The following ZBTB20 variants were observed in gnomAD, a reference collection of about 807,000 sequenced individuals.
ZBTB20 encodes zinc finger and BTB domain containing 20, also known as zinc finger and BTB domain-containing protein 20.
Under a neutral mutation model 56.9 loss-of-function variants are expected in ZBTB20, and 9 were observed. The observed-to-expected ratio is 0.16, with a 90% CI of 0.10 to 0.28. The LOEUF (loss-of-function observed/expected upper bound fraction) is 0.28, where lower values mean the gene tolerates loss of function less well. Among genes scored for constraint, ZBTB20 ranks in the 10% least tolerant of loss-of-function variants. The pLI, the probability that ZBTB20 is intolerant of heterozygous loss-of-function variation, is 1.00. For synonymous variants in ZBTB20, 417 were observed against 420.7 expected (o/e 0.99, Z 0.11); for missense variants, 655 against 1,003.0 (o/e 0.65, Z 4.69).
chr3:114,516,080 T>C (rs570770144), intron 6 of ZBTB20, among the ~76,000 whole-genome samples: 34 of 152,094 alleles, frequency 2.2e-4, no homozygotes, highest in African/African-American at 8.2e-4. Flanking sequence ...TTCAACCTCA[T>C]TGTTTTCTTT....
chr3:114,613,079 G>A (rs1319401664), intron 6 of ZBTB20, among the ~76,000 whole-genome samples: 2 of 152,206 alleles, frequency 1.3e-5, no homozygotes, highest in African/African-American at 2.4e-5. Flanking sequence ...CAAATGGAAA[G>A]AAAGCATTGG....
intron 3 of ZBTB20, among the ~76,000 whole-genome samples, chr3:114,949,952 A>G (rs1214148398): frequency 6.6e-6 from 1 of 152,162 alleles, no homozygotes; most frequent in Non-Finnish European, 1.5e-5. Context: ...CAACATGCAC[A>G]TCACAAAAGA....
At chr3:114,781,012 A>G (rs1018454591) in intron 5 of ZBTB20, among the ~76,000 whole-genome samples, 3 of 152,254 alleles carry the variant, frequency 2.0e-5, no homozygotes, top group Admixed American at 1.3e-4. Flanking sequence ...CTTAAAATAA[A>G]TATTATTCTA....
chr3:114,450,413 A>C (rs2091532703), intron 7 of ZBTB20, among the ~76,000 whole-genome samples: 1 of 152,178 alleles, frequency 6.6e-6, no homozygotes, highest in Non-Finnish European at 1.5e-5. Flanking sequence ...AGGCTTTTAA[A>C]ATTTTTTGTT....
intron 2 of ZBTB20, among the ~76,000 whole-genome samples, chr3:115,044,631 T>A (rs2081271989): frequency 2.0e-5 from 3 of 152,212 alleles, no homozygotes; most frequent in Admixed American, 6.5e-5. Context: ...CTTGGGAACC[T>A]TTTAAAACAT....
chr3:114,855,407 T>C (rs773980662), intron 4 of ZBTB20, among the ~76,000 whole-genome samples: 3 of 152,202 alleles, frequency 2.0e-5, no homozygotes, highest in Non-Finnish European at 2.9e-5. Context: ...GATCTGCTGA[T>C]AGTCTGTTGA....
At chr3:114,873,971 C>A (rs1215170207) in intron 4 of ZBTB20, 1 of 152,118 alleles carries the variant, frequency 6.6e-6, no homozygotes, top group Admixed American at 6.5e-5. Flanking sequence ...ACTGCCTGGA[C>A]AAATAACTTA....
At chr3:114,665,719 C>T (rs931853025) in intron 6 of ZBTB20, among the ~76,000 whole-genome samples, 1 of 151,964 alleles carries the variant, frequency 6.6e-6, no homozygotes, top group African/African-American at 2.4e-5. Flanking sequence ...AAATAATCTG[C>T]ATTAGTAGAG....
At chr3:114,368,481 T>G (rs1353828145) in intron 10 of ZBTB20, among the ~76,000 whole-genome samples, 1 of 152,202 alleles carries the variant, frequency 6.6e-6, no homozygotes, top group Non-Finnish European at 1.5e-5. Context: ...CAGGGACCTC[T>G]CCTCATTGCT....
chr3:114,902,997 G>A (rs1328367914), intron 3 of ZBTB20, among the ~76,000 whole-genome samples: 1 of 152,162 alleles, frequency 6.6e-6, no homozygotes, highest in African/African-American at 2.4e-5. Flanking sequence ...AGTGCTGCAG[G>A]ATTATTCCAA....
intron 5 of ZBTB20, among the ~76,000 whole-genome samples, chr3:114,759,692 T>TA (rs149389123): frequency 4.0e-5 from 6 of 149,964 alleles, no homozygotes; most frequent in South Asian, 2.1e-4. Context: ...CATTTAGCCT[T>TA]AAAAAAAAAA....
chr3:115,110,268 G>A (rs911200631), intron 1 of ZBTB20, among the ~76,000 whole-genome samples: 4 of 151,922 alleles, frequency 2.6e-5, no homozygotes, highest in South Asian at 2.1e-4. Flanking sequence ...ATTTTGAAGC[G>A]AGTTATTAAT....
chr3:114,774,694 G>C (rs1418676882), intron 5 of ZBTB20, among the ~76,000 whole-genome samples: 1 of 151,980 alleles, frequency 6.6e-6, no homozygotes, highest in African/African-American at 2.4e-5. Context: ...AAATAAACCA[G>C]GAACATTTAA....
chr3:114,849,709 G>T (rs2107399710), intron 4 of ZBTB20, among the ~76,000 whole-genome samples: 2 of 152,148 alleles, frequency 1.3e-5, no homozygotes, highest in East Asian at 3.9e-4. Flanking sequence ...GAAAGTAGTT[G>T]TCCCTAGGTC....
chr3:114,526,430 T>C (rs936031321), intron 6 of ZBTB20, among the ~76,000 whole-genome samples: 6 of 152,102 alleles, frequency 3.9e-5, no homozygotes, highest in South Asian at 2.1e-4. Flanking sequence ...TGCTTCAGAG[T>C]TGTATTTTGA....
At chr3:114,786,519 A>G (rs1490121547) in intron 5 of ZBTB20, among the ~76,000 whole-genome samples, 1 of 152,162 alleles carries the variant, frequency 6.6e-6, no homozygotes, top group Non-Finnish European at 1.5e-5. Flanking sequence ...AATTGAATTA[A>G]TATACTGTCA....
chr3:114,976,011 G>C (rs950705678), intron 2 of ZBTB20, among the ~76,000 whole-genome samples: 1 of 152,162 alleles, frequency 6.6e-6, no homozygotes, highest in Non-Finnish European at 1.5e-5. Flanking sequence ...TCTATTTACA[G>C]ATGAGAAATT....
At chr3:114,790,577 A>T (rs4622879) in intron 5 of ZBTB20, among the ~76,000 whole-genome samples, 149,887 of 152,044 alleles carry the variant, frequency 0.99, 73,923 homozygotes, top group East Asian at 1. Context: ...GTCCAATTCA[A>T]GAAATCAGTA....
At chr3:114,663,084 T>C (rs1461456605) in intron 6 of ZBTB20, among the ~76,000 whole-genome samples, 1 of 150,450 alleles carries the variant, frequency 6.6e-6, no homozygotes, top group Non-Finnish European at 1.5e-5. Context: ...GACACACAAT[T>C]GTCAGATTCA....
Sources: gnomAD v4.1 joint callset for allele counts (sites outside exome capture counted in the v4.1 genomes callset) on GRCh38, gnomAD v4.1.1 for gene constraint, MANE v1.5 for transcripts, NCBI Gene and HGNC (gene_info 2026-07-23, HGNC 2026-07-21) for gene names.